Variants in ALDOB observed in about 807,000 individuals in gnomAD.
ALDOB encodes the protein aldolase, fructose-bisphosphate B, also known as fructose-bisphosphate aldolase B.
In ALDOB, 39 loss-of-function variants were observed where a neutral mutation model predicts 41.0. The observed-to-expected ratio is 0.95, with a 90% CI of 0.74 to 1.24. The LOEUF (loss-of-function observed/expected upper bound fraction) is 1.24. Ranked by LOEUF, ALDOB falls within the 50% of genes most tolerant of loss-of-function variation. ALDOB has a pLI of 0.00. For missense variants in ALDOB, 530 were observed against 457.3 expected (o/e 1.16, Z -1.45); for synonymous variants, 175 against 168.8 (o/e 1.04, Z -0.28).
intron 5 of ALDOB, 32 bp downstream of exon 5, chr9:101,427,450 C>A: frequency 6.2e-7 from 1 of 1,613,812 alleles, no homozygotes; most frequent in Non-Finnish European, 8.5e-7. Flanking sequence ...CTCTAGCCTA[C>A]TCTTTTTCAG....
rs995263904 is a variant in ALDOB, at chr9:101,421,878, C to T, written c.1026G>A (p.Gln342=). 6.2e-7 allele frequency: 1 copy of T among 1,613,936 alleles called. No individual in the cohort carries two copies. Among genetic ancestry groups the T allele is most frequent in the African/African-American group, 1.3e-5 (1 of 74,918 alleles). The part of the protein sequence containing the change: ...AMANCQAAKG[Q]YVHTGSSGAA... Reference sequence around the variant, plus strand: ...CCCCAGAAGAACCCGTGTGAACATACTGTCCTTTGGCCGCCTGGCAGTTAG... The same window carrying T: ...CCCCAGAAGAACCCGTGTGAACATATTGTCCTTTGGCCGCCTGGCAGTTAG... Residue 342 remains glutamine (Q), a synonymous_variant, in exon 9 of 9, where the codon CAG becomes CAA. Coordinates refer to ENST00000647789, the MANE Select transcript of ALDOB (RefSeq NM_000035.4).
At chr9:101,432,634 T>C (rs1017624419) in intron 1 of ALDOB, among the ~76,000 whole-genome samples, 8 of 152,262 alleles carry the variant, frequency 5.3e-5, no homozygotes, top group African/African-American at 1.9e-4. Flanking sequence ...TGGCTTTACA[T>C]GCACTATATA....
In ALDOB at chr9:101,425,538, A is replaced by T; in HGVS notation, c.714T>A (p.His238Gln). 1.2e-6 allele frequency: 2 copies of T among 1,614,164 alleles called. No homozygotes were observed. The highest frequency in any genetic ancestry group is 1.7e-6 in the Non-Finnish European group (2 of 1,180,018). Residue 238 changes from histidine to glutamine, a missense_variant, in exon 7 of 9, where the codon CAT (histidine) becomes CAA (glutamine). His to Gln is a conservative substitution (Grantham distance 24). Transcript: ENST00000647789. ...LLKPNMVTAGHACTKKYTPEQ... is the reference protein window; with the variant it reads ...LLKPNMVTAGQACTKKYTPEQ... ...CTGGAGTATACTTCTTGGTGCAGGC[A>T]TGTCCAGCAGTCACCATGTTGGGCT...
At chr9:101,426,514 A>T in intron 6 of ALDOB, 41 bp downstream of exon 6, 1 of 1,336,898 alleles carries the variant, frequency 7.5e-7, no homozygotes, top group Non-Finnish European at 1.1e-6. Context: ...TAAAACTAAG[A>T]TTTTTCAACT....
chr9:101,421,654 A>T lies in ALDOB; in HGVS notation c.*155T>A. On this transcript the variant is annotated 3_prime_UTR_variant, in exon 9 of 9. Coordinates refer to ENST00000647789, the MANE Select transcript of ALDOB (RefSeq NM_000035.4). ...ATTCATTTTTATGTTTCAATAACTGATTTATTTTTTCCCCCTTGTACTTAA... is the reference window on the plus strand; with the variant it reads ...ATTCATTTTTATGTTTCAATAACTGTTTTATTTTTTCCCCCTTGTACTTAA... 1.4e-6 allele frequency: 1 copy of T among 727,764 alleles called. No individual in the cohort carries two copies. Among genetic ancestry groups the T allele is most frequent in the Non-Finnish European group, 2.5e-6 (1 of 398,326 alleles). 45.1% of individuals were successfully genotyped at this position (727,764 alleles called of 1,614,324 possible).
At chr9:101,433,381 G>A (rs1255922029) in intron 1 of ALDOB, among the ~76,000 whole-genome samples, 1 of 152,128 alleles carries the variant, frequency 6.6e-6, no homozygotes, top group East Asian at 1.9e-4. Flanking sequence ...TCTACAGTGG[G>A]ATTAAAGGTC....
At position 101,430,923 on chromosome 9, in the gene ALDOB, G is replaced by A. The variant is rs371779347; in HGVS notation, c.-10-26C>T. On this transcript the variant is annotated intron_variant, in intron 1 of 8. Transcript: ENST00000647789. Reference sequence around the variant, plus strand: ...CTGGAAAAGAGTGTGCGAGAGTTGTGCACAGAACCATGGGTGGCTCAGATG... The same window carrying A: ...CTGGAAAAGAGTGTGCGAGAGTTGTACACAGAACCATGGGTGGCTCAGATG... 16 of 1,521,118 alleles carry A rather than the reference G, an allele frequency of 1.1e-5. No individual in the cohort carries two copies. The Middle Eastern group carries it at 6.8e-4, about 64-fold the overall frequency. 94.2% of individuals were successfully genotyped at this position (1,521,118 alleles called of 1,614,324 possible). A position where few individuals can be genotyped will look rare whatever the true frequency, so the allele number is the denominator to read the frequency against.
chr9:101,431,348 C>T (rs1259967796), intron 1 of ALDOB, among the ~76,000 whole-genome samples: 2 of 152,174 alleles, frequency 1.3e-5, no homozygotes, highest in African/African-American at 4.8e-5. Context: ...GTCTGTAGTT[C>T]CAACAGATTA....
At chr9:101,425,332 C>T (rs2118344577) in intron 7 of ALDOB, 121 bp downstream of exon 7, 2 of 1,217,702 alleles carry the variant, frequency 1.6e-6, no homozygotes, top group East Asian at 2.4e-5. Flanking sequence ...GTGCTGGCTG[C>T]CTGTGAGATA....
rs752902486 is a variant in ALDOB at position 101,427,500 on chromosome 9, G to C, written c.522C>G (p.Tyr174Ter). ...AGAGCACCTGCTGACAGATGCTGGC[G>C]TAGCGAGCCAGGGCGTTGGCGTTTT... is the stretch of plus-strand genomic sequence containing the variant. The part of the protein sequence containing the change: ...IQENANALAR[Y>*]ASICQQNGLV... Residue 174 changes from tyrosine to a stop codon, truncating the protein, a stop_gained, in exon 5 of 9, where the codon TAC (tyrosine) becomes TAG (stop). Coordinates refer to ENST00000647789, the MANE Select transcript of ALDOB (RefSeq NM_000035.4). LOFTEE classifies it high-confidence loss of function. 3 of 1,614,178 alleles carry C rather than the reference G, an allele frequency of 1.9e-6. No individual in the cohort carries two copies. Among genetic ancestry groups the C allele is most frequent in the Non-Finnish European group, 2.5e-6 (3 of 1,180,030 alleles).
At chr9:101,430,742 G>T in intron 2 of ALDOB, 34 bp downstream of exon 2, 1 of 1,474,240 alleles carries the variant, frequency 6.8e-7, no homozygotes, top group Non-Finnish European at 9.5e-7. Flanking sequence ...AAAATAATAT[G>T]TTGTTATATG....
In ALDOB at chr9:101,428,475, T is replaced by C; in HGVS notation, c.373A>G (p.Ile125Val). The C allele has an allele frequency of 6.2e-7, 1 of 1,613,818 alleles. No individual in the cohort carries two copies. The highest frequency in any genetic ancestry group is 8.5e-7 in the Non-Finnish European group (1 of 1,179,684). Residue 125 changes from isoleucine to valine, a missense_variant, in exon 4 of 9, where the codon ATT (isoleucine) becomes GTT (valine). Transcript: ENST00000647789. ...PLAGTNKETT[I>V]QGLDGLSERC... ...CAGTGGGCAATATCCTTACCTTGAA[T>C]GGTGGTTTCTTTGTTTGTTCCTGCA...
At chr9:101,422,695 A>T (rs1831065936) in intron 8 of ALDOB, among the ~76,000 whole-genome samples, 1 of 152,208 alleles carries the variant, frequency 6.6e-6, no homozygotes, top group Non-Finnish European at 1.5e-5. Context: ...AGTGTTTGAT[A>T]CAACAGTAAG....
At chr9:101,431,185 T>C (rs942723962) in intron 1 of ALDOB, among the ~76,000 whole-genome samples, 4 of 152,220 alleles carry the variant, frequency 2.6e-5, no homozygotes, top group Non-Finnish European at 5.9e-5. Context: ...AGCTAATTAG[T>C]GACCCACTAA....
rs774974440 is a variant in ALDOB at position 101,421,770 on chromosome 9, T to C, written c.*39A>G. 4.5e-6 allele frequency: 7 copies of C among 1,571,134 alleles called. No individual in the cohort carries two copies. Among genetic ancestry groups the C allele is most frequent in the Non-Finnish European group, 6.1e-6 (7 of 1,141,686 alleles). Reference sequence around the variant, plus strand: ...AAAAGTTGCTCCCTTTCAGCCCTCCTACTAGAAGCACTGGAGCTAGGCTGG... The same window carrying C: ...AAAAGTTGCTCCCTTTCAGCCCTCCCACTAGAAGCACTGGAGCTAGGCTGG... On this transcript the variant is annotated 3_prime_UTR_variant, in exon 9 of 9. Coordinates refer to ENST00000647789, the MANE Select transcript of ALDOB (RefSeq NM_000035.4).
chr9:101,420,576 C>T lies in ALDOB; in HGVS notation c.*1233G>A, dbSNP rs1831032265. 1 of 152,122 alleles carries T rather than the reference C, an allele frequency of 6.6e-6. No individual in the cohort carries two copies. Among genetic ancestry groups the T allele is most frequent in the African/African-American group, 2.4e-5 (1 of 41,426 alleles). The allele number at this position is 152,122 out of a possible 1,614,324, so 9.4% of individuals were successfully genotyped here. A position where few individuals can be genotyped will look rare whatever the true frequency, so the allele number is the denominator to read the frequency against. Reference sequence around the variant, plus strand: ...TCAAGGTAAGAAATTTAGCATACTACCATCAATATTTTAATTTTAGATATA... The same window carrying T: ...TCAAGGTAAGAAATTTAGCATACTATCATCAATATTTTAATTTTAGATATA... On this transcript the variant is annotated 3_prime_UTR_variant, in exon 9 of 9. Coordinates refer to ENST00000647789, the MANE Select transcript of ALDOB (RefSeq NM_000035.4).
In ALDOB at chr9:101,429,836, G is replaced by A. The variant is rs182003715; in HGVS notation, c.243C>T (p.His81=). 46 of 1,614,088 alleles carry A rather than the reference G, an allele frequency of 2.8e-5. No individual in the cohort carries two copies. The South Asian group carries it at 3.2e-4, about 11-fold the overall frequency. Reference sequence around the variant, plus strand: ...GGCTGTCCTTCTGGTAGAGGGTCTCGTGGAAAAGGATCACACCCCCGATGC... The same window carrying A: ...GGCTGTCCTTCTGGTAGAGGGTCTCATGGAAAAGGATCACACCCCCGATGC... ...NQSIGGVILF[H]ETLYQKDSQG... The change falls in exon 3 of 9, where the codon CAC becomes CAT. Residue 81 remains histidine (H), a synonymous_variant. Transcript: ENST00000647789.
At chr9:101,430,200 C>T (rs1217746161) in intron 2 of ALDOB, among the ~76,000 whole-genome samples, 2 of 152,150 alleles carry the variant, frequency 1.3e-5, no homozygotes, top group Non-Finnish European at 2.9e-5. Context: ...GGAAGCCACC[C>T]TCAGGTCCAG....
In ALDOB at chr9:101,429,951, C is replaced by A. The variant is rs780442649; in HGVS notation, c.128G>T (p.Arg43Leu). 6.8e-6 allele frequency: 11 copies of A among 1,613,974 alleles called. No homozygotes were observed. The highest frequency in any genetic ancestry group is 9.3e-6 in the Non-Finnish European group (11 of 1,180,026). ...ADESVGTMGN[R>L]LQRIKVENTE... ...GTTTTCCACCTTGATCCTCTGCAGGCGGTTCCCCATGGTACCTATGGTGGG... is the reference window on the plus strand; with the variant it reads ...GTTTTCCACCTTGATCCTCTGCAGGAGGTTCCCCATGGTACCTATGGTGGG... Residue 43 changes from arginine to leucine, a missense_variant, in exon 3 of 9, where the codon CGC (arginine) becomes CTC (leucine). Arg to Leu is a moderately radical substitution (Grantham distance 102). Transcript: ENST00000647789.
Sources: gnomAD v4.1 joint callset for allele counts (sites outside exome capture counted in the v4.1 genomes callset) on GRCh38, gnomAD v4.1.1 for gene constraint, MANE v1.5 for transcripts, NCBI Gene and HGNC (gene_info 2026-07-23, HGNC 2026-07-21) for gene names.